CFAP299: variants seen among roughly 807,000 people sequenced by gnomAD.
CFAP299 encodes the protein cilia- and flagella-associated protein 299.
A neutral mutation model predicts 27.0 loss-of-function variants in CFAP299; 21 were observed. That is an observed-to-expected ratio of 0.78 (90% confidence interval 0.55 to 1.12). CFAP299 has a LOEUF of 1.12. Among genes scored for constraint, CFAP299 ranks in the 50% most tolerant of loss-of-function variants. CFAP299 has a pLI of 0.00. For missense variants in CFAP299, 310 were observed against 276.6 expected (o/e 1.12, Z -0.86); for synonymous variants, 104 against 98.1 (o/e 1.06, Z -0.36).
chr4:80,761,726 C>A (rs563782576), intron 3 of CFAP299, among the ~76,000 whole-genome samples: 4 of 152,084 alleles, frequency 2.6e-5, no homozygotes, highest in African/African-American at 9.6e-5. Context: ...AATAACCAGA[C>A]AAAGTCAACA....
chr4:80,881,942 G>A (rs1443646928), intron 4 of CFAP299, among the ~76,000 whole-genome samples: 3 of 151,974 alleles, frequency 2.0e-5, no homozygotes, highest in Admixed American at 1.3e-4. Context: ...TTGAGGCAGA[G>A]GAACACCATA....
intron 5 of CFAP299, among the ~76,000 whole-genome samples, 182 bp from the exon 6 acceptor site, chr4:80,963,335 C>A (rs920471526): frequency 4.6e-5 from 7 of 151,582 alleles, no homozygotes; most frequent in Non-Finnish European, 1.0e-4. Context: ...TTCCAAAGCT[C>A]CTAATTGGAA....
intron 3 of CFAP299, among the ~76,000 whole-genome samples, chr4:80,737,254 G>A (rs990925356): frequency 6.6e-6 from 1 of 151,310 alleles, no homozygotes; most frequent in African/African-American, 2.4e-5. Flanking sequence ...CATGTCACAT[G>A]TATACATATG....
chr4:80,719,520 A>T (rs1722696187), intron 3 of CFAP299, among the ~76,000 whole-genome samples: 1 of 152,212 alleles, frequency 6.6e-6, no homozygotes, highest in Admixed American at 6.5e-5. Context: ...TTTCTACATT[A>T]GCTACATCTC....
In CFAP299 at chr4:80,937,419, C is replaced by T. The variant is rs371630909; in HGVS notation, c.477-7391C>T. Among the ~76,000 whole-genome samples the T allele has an allele frequency of 4.2e-3, 611 of 144,370 alleles. 1 individual carries two copies. The highest frequency in any genetic ancestry group is 0.014 in the Middle Eastern group (4 of 280). The allele number at this position is 144,370 out of a possible 152,430, so 94.7% of individuals were successfully genotyped here. A position where few individuals can be genotyped will look rare whatever the true frequency, so the allele number is the denominator to read the frequency against. Reference sequence around the variant, plus strand: ...CTAGCATCAATATCCCAGGCTCAATCGATCCTCCCACCTTAACCTCCTGAG... The same window carrying T: ...CTAGCATCAATATCCCAGGCTCAATTGATCCTCCCACCTTAACCTCCTGAG... On this transcript the variant is annotated intron_variant, in intron 4 of 5. Transcript: ENST00000358105.
At chr4:80,518,140 T>G (rs72875712) in intron 2 of CFAP299, among the ~76,000 whole-genome samples, 13,162 of 152,026 alleles carry the variant, frequency 0.087, 651 homozygotes, top group African/African-American at 0.097. Flanking sequence ...CAGAGATTAA[T>G]CTGAGAGATT....
At chr4:80,535,444 G>C (rs943355078) in intron 2 of CFAP299, among the ~76,000 whole-genome samples, 3 of 62,172 alleles carry the variant, frequency 4.8e-5, no homozygotes, top group African/African-American at 1.5e-4. Context: ...GCAGTGAGCC[G>C]AGATCCCGCC....
intron 2 of CFAP299, among the ~76,000 whole-genome samples, chr4:80,422,356 T>C (rs1244161193): frequency 6.6e-6 from 1 of 151,754 alleles, no homozygotes; most frequent in East Asian, 1.9e-4. Flanking sequence ...GCATTGGTTT[T>C]TCAGTGCTGC....
chr4:80,481,789 T>C (rs1450788418), intron 2 of CFAP299, among the ~76,000 whole-genome samples: 1 of 152,098 alleles, frequency 6.6e-6, no homozygotes, highest in Non-Finnish European at 1.5e-5. Context: ...ATTATATGTA[T>C]TAATTATTAC....
intron 4 of CFAP299, among the ~76,000 whole-genome samples, chr4:80,893,331 T>A (rs554448180): frequency 6.6e-6 from 1 of 151,930 alleles, no homozygotes; most frequent in South Asian, 2.1e-4. Context: ...ATCATTGCAA[T>A]ATCCTCATTC....
chr4:80,322,702 A>AG, the CFAP299 span, among the ~76,000 whole-genome samples: 1 of 152,224 alleles, frequency 6.6e-6, no homozygotes, highest in African/African-American at 2.4e-5. Flanking sequence ...AGGTAGGAAT[A>AG]GGGGCTGAAA....
At chr4:80,373,370 G>T (rs960488605) in intron 2 of CFAP299, among the ~76,000 whole-genome samples, 2 of 152,056 alleles carry the variant, frequency 1.3e-5, no homozygotes, top group Non-Finnish European at 2.9e-5. Flanking sequence ...TTGAGTAAAT[G>T]CCCATAGGTC....
intron 2 of CFAP299, among the ~76,000 whole-genome samples, chr4:80,401,347 G>A (rs989859899): frequency 6.6e-6 from 1 of 152,160 alleles, no homozygotes; most frequent in Non-Finnish European, 1.5e-5. Flanking sequence ...GGTTCAGGAG[G>A]TAAAAATGGT....
At chr4:80,906,107 T>C (rs1735171171) in intron 4 of CFAP299, among the ~76,000 whole-genome samples, 1 of 152,000 alleles carries the variant, frequency 6.6e-6, no homozygotes, top group African/African-American at 2.4e-5. Context: ...ACAATGGGGG[T>C]ACAAGCATTA....
chr4:80,436,278 G>T (rs1357601611), intron 2 of CFAP299, among the ~76,000 whole-genome samples: 1 of 152,020 alleles, frequency 6.6e-6, no homozygotes, highest in African/African-American at 2.4e-5. Flanking sequence ...AAACTTGATG[G>T]GTACAAAATG....
At chr4:80,594,425 A>G (rs959624341) in intron 3 of CFAP299, among the ~76,000 whole-genome samples, 7 of 152,194 alleles carry the variant, frequency 4.6e-5, no homozygotes, top group African/African-American at 1.7e-4. Context: ...GGGGATTACA[A>G]TTCAAGATGA....
chr4:80,563,818 A>G (rs920715521), intron 2 of CFAP299, among the ~76,000 whole-genome samples: 3 of 152,058 alleles, frequency 2.0e-5, no homozygotes, highest in Non-Finnish European at 4.4e-5. Flanking sequence ...ACAAAGAAAA[A>G]AAGAAAGACT....
At chr4:80,953,798 A>G (rs1737909333) in intron 5 of CFAP299, among the ~76,000 whole-genome samples, 1 of 152,164 alleles carries the variant, frequency 6.6e-6, no homozygotes, top group African/African-American at 2.4e-5. Flanking sequence ...AATGTTTAGT[A>G]ATAAGAGAGT....
At chr4:80,434,304 C>T (rs1273533804) in intron 2 of CFAP299, among the ~76,000 whole-genome samples, 1 of 152,094 alleles carries the variant, frequency 6.6e-6, no homozygotes, top group Admixed American at 6.5e-5. Context: ...TTCCCTTCTC[C>T]CTTAATGAAA....
Sources: gnomAD v4.1 joint callset for allele counts (sites outside exome capture counted in the v4.1 genomes callset) on GRCh38, gnomAD v4.1.1 for gene constraint, MANE v1.5 for transcripts, NCBI Gene and HGNC (gene_info 2026-07-23, HGNC 2026-07-21) for gene names.